ADAM2: variants seen among roughly 807,000 people sequenced by gnomAD.
ADAM2 encodes the protein disintegrin and metalloproteinase domain-containing protein 2.
A neutral mutation model predicts 99.3 loss-of-function variants in ADAM2; 101 were observed. The observed-to-expected ratio is 1.02, with a 90% CI of 0.87 to 1.20. ADAM2 has a LOEUF of 1.20. Ranked by LOEUF, ADAM2 falls within the 50% of genes most tolerant of loss-of-function variation. ADAM2 has a pLI of 0.00. For missense variants in ADAM2, 948 were observed against 878.7 expected (o/e 1.08, Z -1.00); for synonymous variants, 323 against 287.6 (o/e 1.12, Z -1.25).
At chr8:39,801,674 G>T (rs1804219226) in intron 7 of ADAM2, among the ~76,000 whole-genome samples, 1 of 151,572 alleles carries the variant, frequency 6.6e-6, no homozygotes, top group Non-Finnish European at 1.5e-5. Flanking sequence ...TGGGGGCTCA[G>T]GCTCAGGGAC....
chr8:39,758,888 A>G (rs1002523811), intron 15 of ADAM2, among the ~76,000 whole-genome samples: 1 of 152,024 alleles, frequency 6.6e-6, no homozygotes, highest in South Asian at 2.1e-4. Flanking sequence ...TAAATAAAAT[A>G]ACAATTATTG....
chr8:39,755,815 A>T lies in ADAM2; in HGVS notation c.1710T>A (p.His570Gln). ...TGGCAAATTCCACAGCAATGCAGAGATGTCCACTTATGTTGGCATAAATAA... is the reference window on the plus strand; with the variant it reads ...TGGCAAATTCCACAGCAATGCAGAGTTGTCCACTTATGTTGGCATAAATAA... ...ATIIYANISGHLCIAVEFASD... is the reference protein window; with the variant it reads ...ATIIYANISGQLCIAVEFASD... The change falls in exon 16 of 21, where the codon CAT (histidine) becomes CAA (glutamine). Residue 570 changes from histidine (H) to glutamine (Q), a missense_variant. Transcript: ENST00000265708. 1 of 1,610,372 alleles carries T rather than the reference A, an allele frequency of 6.2e-7. No individual in the cohort carries two copies. Among genetic ancestry groups the T allele is most frequent in the Non-Finnish European group, 8.5e-7 (1 of 1,176,820 alleles).
At chr8:39,788,985 G>T (rs1430167152) in intron 7 of ADAM2, among the ~76,000 whole-genome samples, 2 of 151,168 alleles carry the variant, frequency 1.3e-5, no homozygotes, top group East Asian at 1.9e-4. Flanking sequence ...TTATAAAAAG[G>T]TATAATTCTA....
intron 7 of ADAM2, among the ~76,000 whole-genome samples, chr8:39,793,111 T>C (rs1803789480): frequency 6.6e-6 from 1 of 152,102 alleles, no homozygotes; most frequent in African/African-American, 2.4e-5. Flanking sequence ...TAAATCTACA[T>C]AGCAAGCCTT....
chr8:39,768,625 G>A, intron 12 of ADAM2, among the ~76,000 whole-genome samples: 1 of 152,116 alleles, frequency 6.6e-6, no homozygotes, highest in East Asian at 1.9e-4. Flanking sequence ...CATAGTGAAA[G>A]CTTTAAAATA....
At chr8:39,745,650 C>T (rs1309881405) in intron 19 of ADAM2, among the ~76,000 whole-genome samples, 2 of 151,938 alleles carry the variant, frequency 1.3e-5, no homozygotes, top group African/African-American at 4.8e-5. Context: ...TCTTTTATTA[C>T]TTATTAACTT....
intron 4 of ADAM2, among the ~76,000 whole-genome samples, chr8:39,824,089 G>A (rs1245914434): frequency 6.6e-6 from 1 of 152,030 alleles, no homozygotes; most frequent in African/African-American, 2.4e-5. Context: ...TTCGACACCA[G>A]CCTGACCAAC....
intron 6 of ADAM2, among the ~76,000 whole-genome samples, chr8:39,811,587 G>T (rs566014544): frequency 6.6e-6 from 1 of 152,282 alleles, no homozygotes; most frequent in Non-Finnish European, 1.5e-5. Context: ...CCACGATCAA[G>T]CTGGCTTCAT....
rs758738225 is a variant in ADAM2, at chr8:39,821,057, T to C, written c.458A>G (p.Tyr153Cys). Residue 153 changes from tyrosine to cysteine, a missense_variant, in exon 6 of 21, where the codon TAT becomes TGT. By Grantham distance (194) the Tyr-to-Cys change is radical (BLOSUM62 -2). Transcript: ENST00000265708. ...VKHKKADVSL[Y>C]NEKDIESRDL... The stretch of plus-strand genomic sequence containing the variant: ...TCTTGATTCAATATCCTTCTCATTA[T>C]ATAAGGAAACATCTGCTTTCTTATG... 18 of 1,604,994 alleles carry C rather than the reference T, an allele frequency of 1.1e-5. No individual in the cohort carries two copies. Among genetic ancestry groups the C allele is most frequent in the Non-Finnish European group, 1.4e-5 (16 of 1,172,380 alleles).
chr8:39,778,527 C>T (rs1803090470), intron 10 of ADAM2, among the ~76,000 whole-genome samples: 1 of 152,052 alleles, frequency 6.6e-6, no homozygotes. Context: ...CACTTGGTAC[C>T]AATTAAAGTT....
At chr8:39,788,948 TC>T (rs1803588156) in intron 7 of ADAM2, among the ~76,000 whole-genome samples, 1 of 151,504 alleles carries the variant, frequency 6.6e-6, no homozygotes, top group Non-Finnish European at 1.5e-5. Flanking sequence ...TTATATTTTT[TC>T]CATAGAAATT....
At chr8:39,806,485 T>A (rs1804448249) in intron 7 of ADAM2, among the ~76,000 whole-genome samples, 2 of 148,086 alleles carry the variant, frequency 1.4e-5, no homozygotes, top group South Asian at 4.2e-4. Flanking sequence ...ATATAATATA[T>A]TATAAATATT....
chr8:39,770,519 T>C (rs1406242375), intron 11 of ADAM2, among the ~76,000 whole-genome samples: 1 of 152,224 alleles, frequency 6.6e-6, no homozygotes, highest in East Asian at 1.9e-4. Context: ...GTGGACTCTG[T>C]GGCCAATCAA....
chr8:39,816,165 T>C (rs1804932132), intron 6 of ADAM2, among the ~76,000 whole-genome samples: 1 of 151,974 alleles, frequency 6.6e-6, no homozygotes. Context: ...AGCGTGGTGG[T>C]GTGCACCTCT....
intron 15 of ADAM2, among the ~76,000 whole-genome samples, chr8:39,760,572 T>C (rs960466163): frequency 6.6e-6 from 1 of 151,814 alleles, no homozygotes; most frequent in African/African-American, 2.4e-5. Flanking sequence ...ACACAAAAAA[T>C]TAGACGGGCG....
intron 3 of ADAM2, among the ~76,000 whole-genome samples, chr8:39,830,060 A>T (rs1805555598): frequency 6.6e-6 from 1 of 152,188 alleles, no homozygotes; most frequent in African/African-American, 2.4e-5. Context: ...CAGTCAATAT[A>T]TGTGTAAAGT....
chr8:39,796,956 G>A (rs761240685), intron 7 of ADAM2, among the ~76,000 whole-genome samples: 1 of 151,924 alleles, frequency 6.6e-6, no homozygotes, highest in Non-Finnish European at 1.5e-5. Flanking sequence ...TTGTCAGATG[G>A]GTAGATTGCA....
intron 2 of ADAM2, among the ~76,000 whole-genome samples, chr8:39,834,732 C>CAAAAAAAAAAAAAAAAAAAA (rs79431764): frequency 1.9e-5 from 1 of 52,962 alleles, no homozygotes; most frequent in Non-Finnish European, 3.3e-5. Flanking sequence ...AAGACTCCAT[C>CAAAAAAAAAAAAAAAAAAAA]AAAAAAAAAA....
At position 39,744,005 on chromosome 8, in the gene ADAM2, G is replaced by A. The variant is rs1428822132; in HGVS notation, c.*90C>T. ...TTTGAATCCCAGGAAACCAGGTAAT[G>A]TACATTCTTTTCTTTCCATTTTTTT... On this transcript the variant is annotated 3_prime_UTR_variant, in exon 21 of 21. Transcript: ENST00000265708. 7 of 151,900 alleles carry A rather than the reference G, an allele frequency of 4.6e-5. No individual in the cohort carries two copies. In the East Asian group the frequency reaches 7.7e-4, roughly 17 times the overall value. 9.4% of individuals were successfully genotyped at this position (151,900 alleles called of 1,614,324 possible).
Sources: gnomAD v4.1 joint callset for allele counts (sites outside exome capture counted in the v4.1 genomes callset) on GRCh38, gnomAD v4.1.1 for gene constraint, MANE v1.5 for transcripts, NCBI Gene and HGNC (gene_info 2026-07-23, HGNC 2026-07-21) for gene names.